The following SP100 variants were observed in gnomAD, a reference collection of about 807,000 sequenced individuals.
The protein encoded by SP100 is nuclear autoantigen Sp-100.
Under a neutral mutation model 130.0 loss-of-function variants are expected in SP100, and 84 were observed. The observed-to-expected ratio is 0.65, with a 90% confidence interval of 0.54 to 0.77. The LOEUF (loss-of-function observed/expected upper bound fraction) is 0.77, where lower values mean the gene tolerates loss of function less well. SP100 is among the 30% of genes least tolerant of loss of function. The pLI, the probability that SP100 is intolerant of heterozygous loss-of-function variation, is 0.00. For missense variants in SP100, 978 were observed against 1,052.2 expected (o/e 0.93, Z 0.97); for synonymous variants, 331 against 351.7 (o/e 0.94, Z 0.66).
intron 18 of SP100, among the ~76,000 whole-genome samples, chr2:230,497,788 A>C (rs1282475626): frequency 6.6e-5 from 10 of 152,090 alleles, no homozygotes; most frequent in Admixed American, 6.5e-4. Context: ...TCTCTATACA[A>C]ATTCCCCTTG....
intron 24 of SP100, among the ~76,000 whole-genome samples, chr2:230,530,092 A>G (rs183029438): frequency 7.2e-5 from 11 of 152,332 alleles, no homozygotes; most frequent in Admixed American, 7.2e-4. Context: ...TAAAGTTCAT[A>G]TGGAACCAAA....
chr2:230,438,648 T>TATATATATAC (rs1246055755), intron 2 of SP100, among the ~76,000 whole-genome samples: 19 of 127,484 alleles, frequency 1.5e-4, no homozygotes, highest in Admixed American at 4.1e-4. Context: ...TGTATATATA[T>TATATATATAC]ACACACACAC....
At chr2:230,541,839 T>C in intron 27 of SP100, 53 bp from the exon 28 acceptor site, 5 of 1,572,470 alleles carry the variant, frequency 3.2e-6, no homozygotes, top group Non-Finnish European at 4.3e-6. Context: ...TCCATAATAG[T>C]GGGAGTCTAT....
At chr2:230,508,176 AT>A in intron 23 of SP100, 145 bp downstream of exon 23, 3 of 1,383,426 alleles carry the variant, frequency 2.2e-6, no homozygotes, top group Non-Finnish European at 2.9e-6. Context: ...GCTTTCAAAC[AT>A]TATTCAATGT....
At chr2:230,463,939 C>T in intron 10 of SP100, 128 bp from the exon 11 acceptor site, 2 of 622,918 alleles carry the variant, frequency 3.2e-6, no homozygotes, top group South Asian at 3.9e-5. Flanking sequence ...ACAAGCATGG[C>T]CTGTGTACAG....
chr2:230,494,354 TAA>T, intron 17 of SP100, 60 bp from the exon 18 acceptor site: 1 of 1,234,666 alleles, frequency 8.1e-7, no homozygotes, highest in Admixed American at 1.7e-5. Flanking sequence ...TATTGACATA[TAA>T]AGTGTGTAAA....
intron 14 of SP100, 83 bp downstream of exon 14, chr2:230,469,179 T>C (rs1181625434): frequency 4.7e-6 from 4 of 853,780 alleles, no homozygotes; most frequent in Non-Finnish European, 7.6e-6. Context: ...TTATATCCTT[T>C]AAAATAAAAA....
chr2:230,464,093 T>A lies in SP100; in HGVS notation c.1084T>A (p.Ser362Thr). 6.2e-7 allele frequency: 1 copy of A among 1,613,082 alleles called. No homozygotes were observed. The highest frequency in any genetic ancestry group is 8.5e-7 in the Non-Finnish European group (1 of 1,179,098). ...PVINNDNPLE[S>T]NDEKEGQEAT... The stretch of plus-strand genomic sequence containing the variant: ...GATCAATAATGACAACCCTTTAGAA[T>A]CAAATGATGAAAAGGAGGGCCAAGA... Residue 362 changes from serine (S) to threonine (T), a missense_variant, in exon 11 of 29, where the codon TCA (serine) becomes ACA (threonine). By Grantham distance (58) the Ser-to-Thr change is moderately conservative (BLOSUM62 1). Transcript: ENST00000340126.
Position 230,510,940 on chromosome 2 carries a change from T to C in SP100, c.2053-185T>C, listed in dbSNP as rs533236953. The C allele has an allele frequency of 2.4e-4, 149 of 625,130 alleles. No homozygotes were observed. The African/African-American group carries it at 2.6e-3, about 11-fold the overall frequency. The allele number at this position is 625,130 out of a possible 1,614,324, so 38.7% of individuals were successfully genotyped here. A position where few individuals can be genotyped will look rare whatever the true frequency, so the allele number is the denominator to read the frequency against. ...AAATGGCACTTGCATTGGGCCAAAC[T>C]GTCACTGACACATAATTTAGTGCTT... On this transcript the variant is annotated intron_variant, in intron 23 of 28. Transcript: ENST00000340126.
intron 14 of SP100, 37 bp from the exon 15 acceptor site, chr2:230,469,978 G>A (rs2065187333): frequency 1.3e-6 from 2 of 1,593,886 alleles, no homozygotes; most frequent in Non-Finnish European, 1.7e-6. Context: ...CTAAGACTCA[G>A]ACTAAGACTG....
At chr2:230,492,032 T>A (rs1467632864) in intron 17 of SP100, among the ~76,000 whole-genome samples, 1 of 152,210 alleles carries the variant, frequency 6.6e-6, no homozygotes, top group Non-Finnish European at 1.5e-5. Context: ...CTTTATATGA[T>A]TCCTTTGGTG....
At chr2:230,463,362 C>T (rs748126549) in intron 10 of SP100, among the ~76,000 whole-genome samples, 3 of 151,930 alleles carry the variant, frequency 2.0e-5, no homozygotes, top group South Asian at 2.1e-4. Context: ...CTTATCATAA[C>T]ATAAGTATGC....
intron 24 of SP100, among the ~76,000 whole-genome samples, chr2:230,513,628 T>C (rs1325076646): frequency 6.6e-6 from 1 of 152,204 alleles, no homozygotes; most frequent in African/African-American, 2.4e-5. Flanking sequence ...CAGGAGGTCA[T>C]GTCCCTCGGT....
rs1239441298 is a variant in SP100 at position 230,506,457 on chromosome 2, A to T, written c.2013+12A>T. On this transcript the variant is annotated intron_variant, in intron 22 of 28. Coordinates refer to ENST00000340126, the MANE Select transcript of SP100 (RefSeq NM_001080391.2). ...AAGTCCTGATGGAGGTATTCTAGTG[A>T]CAGATGGCTGAAACCAAGGATTTAG... 1 of 1,612,758 alleles carries T rather than the reference A, an allele frequency of 6.2e-7. No homozygotes were observed. The highest frequency in any genetic ancestry group is 1.7e-4 in the Middle Eastern group (1 of 6,052).
chr2:230,454,132 A>C (rs2064149939), intron 8 of SP100, among the ~76,000 whole-genome samples: 1 of 152,124 alleles, frequency 6.6e-6, no homozygotes, highest in East Asian at 1.9e-4. Context: ...TGGTATGAGA[A>C]AGGTAGTGTC....
chr2:230,478,701 T>C (rs921435049), intron 17 of SP100, among the ~76,000 whole-genome samples: 1 of 152,210 alleles, frequency 6.6e-6, no homozygotes, highest in African/African-American at 2.4e-5. Context: ...TAAAATCTGG[T>C]CAGTGGAATT....
intron 11 of SP100, among the ~76,000 whole-genome samples, chr2:230,464,637 C>T (rs2064843332): frequency 6.6e-6 from 1 of 152,122 alleles, no homozygotes; most frequent in African/African-American, 2.4e-5. Flanking sequence ...TCAACTACAC[C>T]CAAACCCAAA....
At chr2:230,447,212 A>G (rs2063748955) in intron 5 of SP100, among the ~76,000 whole-genome samples, 1 of 152,138 alleles carries the variant, frequency 6.6e-6, no homozygotes, top group African/African-American at 2.4e-5. Context: ...AAGGGTTAAG[A>G]ACCACAGCCC....
At chr2:230,465,081 C>T (rs1350941503) in intron 11 of SP100, among the ~76,000 whole-genome samples, 1 of 152,136 alleles carries the variant, frequency 6.6e-6, no homozygotes, top group African/African-American at 2.4e-5. Context: ...ACTAAAAATA[C>T]AAAAATTAGC....
Sources: allele counts gnomAD v4.1 joint callset (sites outside exome capture counted in the v4.1 genomes callset), GRCh38; gene constraint gnomAD v4.1.1; transcripts MANE v1.5; gene names NCBI Gene and HGNC (gene_info 2026-07-23, HGNC 2026-07-21).